Variants in ANKFN1 observed in about 807,000 individuals in gnomAD.
The protein encoded by ANKFN1 is ankyrin repeat and fibronectin type-III domain-containing protein 1.
A neutral mutation model predicts 108.7 loss-of-function variants in ANKFN1; 74 were observed. The observed-to-expected ratio is 0.68, with a 90% CI of 0.56 to 0.83. The LOEUF (loss-of-function observed/expected upper bound fraction) is 0.83, where lower values mean the gene tolerates loss of function less well. Among genes scored for constraint, ANKFN1 ranks in the 40% least tolerant of loss-of-function variants. ANKFN1 has a pLI of 0.00. For missense variants in ANKFN1, 1,505 were observed against 1,382.3 expected, an observed-to-expected ratio of 1.09 and a Z score of -1.41; for synonymous variants, 547 against 516.2, an observed-to-expected ratio of 1.06 and a Z score of -0.81.
At chr17:56,324,595 G>A (rs573258032) in intron 3 of ANKFN1, among the ~76,000 whole-genome samples, 1 of 152,242 alleles carries the variant, frequency 6.6e-6, no homozygotes, top group Non-Finnish European at 1.5e-5. Flanking sequence ...AGATGAAAGG[G>A]TAAAGTTTTA....
upstream of ANKFN1, among the ~76,000 whole-genome samples, chr17:56,152,262 A>ATGTGTGTGTG (rs200366444): frequency 5.9e-4 from 46 of 77,836 alleles, 1 homozygote; most frequent in East Asian, 5.8e-3. Flanking sequence ...ATATATATAT[A>ATGTGTGTGTG]TGTGTGTGTG....
At chr17:56,278,075 C>G (rs2043979814) in intron 3 of ANKFN1, among the ~76,000 whole-genome samples, 1 of 152,168 alleles carries the variant, frequency 6.6e-6, no homozygotes, top group Non-Finnish European at 1.5e-5. Context: ...TCTATATTAT[C>G]AATTGATAAC....
intron 4 of ANKFN1, among the ~76,000 whole-genome samples, chr17:56,148,367 G>A (rs1380587736): frequency 1.3e-5 from 2 of 152,218 alleles, no homozygotes; most frequent in Non-Finnish European, 2.9e-5. Flanking sequence ...AAGAGGCTAA[G>A]GCTTGGAGAG....
chr17:56,057,524 G>T (rs367900497), intron 4 of ANKFN1, among the ~76,000 whole-genome samples: 2 of 152,152 alleles, frequency 1.3e-5, no homozygotes, highest in Non-Finnish European at 2.9e-5. Flanking sequence ...AGTGGCTCAC[G>T]CCTGTAATCC....
In ANKFN1 at chr17:56,477,484, A is replaced by G. The variant is rs376939552; in HGVS notation, c.1774-4A>G. The G allele has an allele frequency of 3.1e-5, 49 of 1,556,724 alleles. No homozygotes were observed. Among genetic ancestry groups the G allele is most frequent in the Non-Finnish European group, 4.1e-5 (48 of 1,159,752 alleles). On this transcript the variant is annotated splice_polypyrimidine_tract_variant and splice_region_variant and intron_variant, in intron 15 of 20. Transcript: ENST00000682825. ...TCTTTTTTTTTTTTTTTTTAACCCT[A>G]CAGGATATTCTATCCTATCACAAAA...
chr17:56,371,776 A>G (rs1216739451), intron 6 of ANKFN1, among the ~76,000 whole-genome samples: 1 of 152,204 alleles, frequency 6.6e-6, no homozygotes. Flanking sequence ...TGCTCAGCAC[A>G]AGAAAGGGAG....
chr17:56,496,061 G>A (rs2051191988), intron 19 of ANKFN1, among the ~76,000 whole-genome samples: 1 of 152,006 alleles, frequency 6.6e-6, no homozygotes, highest in Non-Finnish European at 1.5e-5. Context: ...GGATTATGTT[G>A]TCAGTTACTT....
chr17:56,444,306 G>T (rs1333833029), intron 10 of ANKFN1, among the ~76,000 whole-genome samples: 6 of 152,090 alleles, frequency 3.9e-5, no homozygotes, highest in African/African-American at 1.4e-4. Flanking sequence ...ACATTCAACT[G>T]TAGGTTTGTA....
At position 56,052,830 on chromosome 17, in the gene ANKFN1, C is replaced by T. The variant is rs566655401; in HGVS notation, c.288+6505C>T. On this transcript the variant is annotated intron_variant, in intron 4 of 12. Transcript: ENST00000635860. ...ATACCAGAGAGTAGATGGGGTCTCACGTATGCCAGCCAGCAGATAAGAAGG... is the reference window on the plus strand; with the variant it reads ...ATACCAGAGAGTAGATGGGGTCTCATGTATGCCAGCCAGCAGATAAGAAGG... Among the ~76,000 whole-genome samples, 35 of 152,236 alleles carry T rather than the reference C, an allele frequency of 2.3e-4. 1 individual carries two copies. The South Asian group carries it at 6.9e-3, about 30-fold the overall frequency.
rs1001450288 is a variant in ANKFN1, at chr17:56,516,270, G to A, written c.*5001G>A. Among the ~76,000 whole-genome samples the A allele has an allele frequency of 6.6e-6, 1 of 151,988 alleles. No individual in the cohort carries two copies. The highest frequency in any genetic ancestry group is 1.5e-5 in the Non-Finnish European group (1 of 68,008). On this transcript the variant is annotated 3_prime_UTR_variant, in exon 21 of 21. Transcript: ENST00000682825. The stretch of plus-strand genomic sequence containing the variant: ...GATTTTTAAAAAAGTGTGTGTGTGT[G>A]TGTGTGTGTGTGCGTGTGTGGTGGT...
chr17:56,133,919 A>G (rs540865625), intron 4 of ANKFN1, among the ~76,000 whole-genome samples: 2 of 152,212 alleles, frequency 1.3e-5, no homozygotes, highest in South Asian at 4.2e-4. Flanking sequence ...TTCAATTCTG[A>G]CATTACATAC....
chr17:56,509,614 A>C (rs1197074662), intron 20 of ANKFN1, among the ~76,000 whole-genome samples: 1 of 152,242 alleles, frequency 6.6e-6, no homozygotes, highest in Non-Finnish European at 1.5e-5. Context: ...TAAAATTAAG[A>C]TTTTGTAACT....
chr17:56,396,118 C>T (rs371290803), intron 8 of ANKFN1, among the ~76,000 whole-genome samples: 3 of 152,156 alleles, frequency 2.0e-5, no homozygotes, highest in Non-Finnish European at 2.9e-5. Context: ...ATCTTTTTCA[C>T]CTCATCTACA....
At chr17:56,436,205 G>T (rs4793818) in intron 8 of ANKFN1, among the ~76,000 whole-genome samples, 121,289 of 152,134 alleles carry the variant, frequency 0.8, 48,664 homozygotes, top group East Asian at 0.97. Context: ...GGAATCCCAT[G>T]TAAAATAGTC....
intron 3 of ANKFN1, among the ~76,000 whole-genome samples, chr17:56,323,858 G>A (rs575717001): frequency 6.6e-6 from 1 of 152,266 alleles, no homozygotes; most frequent in South Asian, 2.1e-4. Flanking sequence ...ATATAATGGG[G>A]ATGACTGATG....
chr17:56,277,444 T>TATA (rs2043963592), intron 3 of ANKFN1, among the ~76,000 whole-genome samples: 1 of 152,146 alleles, frequency 6.6e-6, no homozygotes, highest in Admixed American at 6.5e-5. Context: ...TAATGCTAAT[T>TATA]ATAATAATAA....
intron 3 of ANKFN1, among the ~76,000 whole-genome samples, chr17:56,310,533 C>T (rs959024608): frequency 1.3e-5 from 2 of 151,354 alleles, no homozygotes; most frequent in African/African-American, 2.4e-5. Context: ...AGGAGAATGG[C>T]GTGAAGCTGG....
At chr17:56,420,845 C>T (rs1310214407) in intron 8 of ANKFN1, among the ~76,000 whole-genome samples, 2 of 151,884 alleles carry the variant, frequency 1.3e-5, no homozygotes, top group East Asian at 3.9e-4. Context: ...GTAGCTGGGA[C>T]TACAGGCGCC....
At chr17:56,086,824 G>T (rs1345946150) in intron 4 of ANKFN1, among the ~76,000 whole-genome samples, 1 of 151,374 alleles carries the variant, frequency 6.6e-6, no homozygotes, top group Admixed American at 6.6e-5. Context: ...CCTGAAAAAT[G>T]ATTAATAAAA....
Sources: allele counts gnomAD v4.1 joint callset (sites outside exome capture counted in the v4.1 genomes callset), GRCh38; gene constraint gnomAD v4.1.1; transcripts MANE v1.5; gene names NCBI Gene and HGNC (gene_info 2026-07-23, HGNC 2026-07-21).